SMARCC2: variants seen among roughly 807,000 people sequenced by gnomAD.
SMARCC2 encodes SWI/SNF complex subunit SMARCC2.
SMARCC2 carries 15 observed loss-of-function variants against 151.3 expected under a neutral mutation model. The ratio of observed to expected loss-of-function variants is 0.10; its 90% CI spans 0.07 to 0.15. The LOEUF (loss-of-function observed/expected upper bound fraction) is 0.15, where lower values mean the gene tolerates loss of function less well. SMARCC2 is among the 10% of genes least tolerant of loss of function. SMARCC2 has a pLI of 1.00. For synonymous variants in SMARCC2, 590 were observed against 609.5 expected, an observed-to-expected ratio of 0.97 and a Z score of 0.47; for missense variants, 1,031 against 1,599.7, an observed-to-expected ratio of 0.64 and a Z score of 6.06.
Position 56,178,734 on chromosome 12 carries a change from AG to A in SMARCC2, c.1179+75del. ...AGTGGGTAAAGTCTGGGCAGTGAAA[AG>A]TTTGGGCAGAATGAACTTTATAATC... On this transcript the variant is annotated intron_variant, in intron 13 of 28. Coordinates refer to ENST00000550164, the MANE Select transcript of SMARCC2 (RefSeq NM_001330288.2). 7 of 1,529,776 alleles carry A rather than the reference AG, an allele frequency of 4.6e-6. No individual in the cohort carries two copies. The Middle Eastern group carries it at 6.8e-4, about 148-fold the overall frequency. 94.8% of individuals were successfully genotyped at this position (1,529,776 alleles called of 1,614,324 possible). A position where few individuals can be genotyped will look rare whatever the true frequency, so the allele number is the denominator to read the frequency against.
At chr12:56,184,265 C>A (rs753161686) in intron 5 of SMARCC2, 21 bp from the exon 6 acceptor site, 4 of 1,590,496 alleles carry the variant, frequency 2.5e-6, no homozygotes, top group African/African-American at 1.3e-5. Context: ...AAAGGAGAAG[C>A]GGGTAAATTA....
At chr12:56,182,147 C>CT (rs1369665063) in intron 7 of SMARCC2, 68 bp from the exon 8 acceptor site, 2 of 1,061,746 alleles carry the variant, frequency 1.9e-6, no homozygotes, top group South Asian at 2.9e-5. Context: ...AAGTGCAGAT[C>CT]TTTTACCCTT....
intron 17 of SMARCC2, 97 bp from the exon 18 acceptor site, chr12:56,173,126 T>G: frequency 2.0e-6 from 2 of 993,684 alleles, no homozygotes; most frequent in Non-Finnish European, 3.1e-6. Flanking sequence ...GCCCACAAGC[T>G]CTGGGGGCAC....
chr12:56,181,155 C>T, intron 10 of SMARCC2, 54 bp from the exon 11 acceptor site: 1 of 1,569,134 alleles, frequency 6.4e-7, no homozygotes, highest in East Asian at 2.2e-5. Context: ...CAAGGAGTCC[C>T]TGGAAGTTGA....
intron 11 of SMARCC2, among the ~76,000 whole-genome samples, chr12:56,180,655 C>T (rs764840882): frequency 1.3e-5 from 2 of 152,096 alleles, no homozygotes; most frequent in Non-Finnish European, 2.9e-5. Context: ...CCGCCCGCCT[C>T]GGCCTCCCAA....
chr12:56,173,583 A>G (rs1874365127), intron 17 of SMARCC2, 113 bp downstream of exon 17: 1 of 959,584 alleles, frequency 1.0e-6, no homozygotes, highest in African/African-American at 1.6e-5. Context: ...TCCCATGGAA[A>G]AGGAAGAAGC....
intron 26 of SMARCC2, among the ~76,000 whole-genome samples, chr12:56,167,821 C>T (rs1231859639): frequency 3.3e-5 from 5 of 151,972 alleles, no homozygotes; most frequent in African/African-American, 1.2e-4. Flanking sequence ...CTGCCCTGTT[C>T]CTGCCCTGCT....
chr12:56,187,287 G>A lies in SMARCC2; in HGVS notation c.131C>T (p.Pro44Leu). 6.2e-7 allele frequency: 1 copy of A among 1,613,538 alleles called. No homozygotes were observed. The highest frequency in any genetic ancestry group is 8.5e-7 in the Non-Finnish European group (1 of 1,179,630). The change falls in exon 2 of 29, where the codon CCC becomes CTC. Residue 44 changes from proline to leucine, a missense_variant. Transcript: ENST00000550164. ...CAGGCTAGACAGGGACTTGTTGGTG[G>A]GTGGTTCAGCTTGTATATACTAAGG... ...NYKKYIQAEP[P>L]TNKSLSSLVV...
intron 1 of SMARCC2, among the ~76,000 whole-genome samples, chr12:56,187,899 A>C (rs1877564171): frequency 6.6e-6 from 1 of 152,166 alleles, no homozygotes; most frequent in Non-Finnish European, 1.5e-5. Flanking sequence ...GAGCAAGACA[A>C]CATCTACCCT....
chr12:56,189,173 G>T (rs1230198666), intron 1 of SMARCC2, among the ~76,000 whole-genome samples, 178 bp downstream of exon 1: 3 of 147,686 alleles, frequency 2.0e-5, no homozygotes, highest in East Asian at 4.1e-4. Flanking sequence ...CTGGGGGTGC[G>T]GGGAGAGGGA....
intron 16 of SMARCC2, among the ~76,000 whole-genome samples, chr12:56,174,074 A>C (rs150085823): frequency 6.6e-6 from 1 of 152,142 alleles, no homozygotes; most frequent in Non-Finnish European, 1.5e-5. Context: ...GCCAATCTCT[A>C]TATCTACCTA....
chr12:56,165,287 G>T, intron 27 of SMARCC2, 31 bp downstream of exon 27: 3 of 1,466,472 alleles, frequency 2.0e-6, no homozygotes. Context: ...GATTCCTCTA[G>T]CCAACAAAAG....
At chr12:56,167,877 A>G (rs749674518) in intron 26 of SMARCC2, among the ~76,000 whole-genome samples, 183 bp downstream of exon 26, 1 of 140,942 alleles carries the variant, frequency 7.1e-6, no homozygotes, top group Non-Finnish European at 1.5e-5. Flanking sequence ...ACTGTTGCTT[A>G]TCTTTCACTG....
Position 56,181,464 on chromosome 12 carries a change from G to C in SMARCC2, c.956+18C>G, listed in dbSNP as rs1321355177. ...GGAGAGAATGGTGAACACGGGGGCA[G>C]GCTAGGGGCTGGCACACCCTTTCTT... On this transcript the variant is annotated intron_variant, in intron 10 of 28. Transcript: ENST00000550164. The C allele has an allele frequency of 2.2e-6, 3 of 1,394,554 alleles. No individual in the cohort carries two copies. The highest frequency in any genetic ancestry group is 2.2e-5 in the Admixed American group (1 of 44,664). 86.4% of individuals were successfully genotyped at this position (1,394,554 alleles called of 1,614,324 possible). A position where few individuals can be genotyped will look rare whatever the true frequency, so the allele number is the denominator to read the frequency against.
chr12:56,178,176 A>T (rs561709368), intron 14 of SMARCC2, 83 bp from the exon 15 acceptor site: 1 of 1,138,884 alleles, frequency 8.8e-7, no homozygotes, highest in East Asian at 2.4e-5. Flanking sequence ...CCTAGAAGGC[A>T]AAGAAGGAAA....
At chr12:56,181,409 G>T in intron 10 of SMARCC2, 73 bp downstream of exon 10, 2 of 968,120 alleles carry the variant, frequency 2.1e-6, no homozygotes, top group Non-Finnish European at 3.1e-6. Flanking sequence ...TATAGGAAGG[G>T]ATTTGTCTTT....
At chr12:56,187,126 T>G in intron 2 of SMARCC2, 61 bp downstream of exon 2, 1 of 1,509,102 alleles carries the variant, frequency 6.6e-7, no homozygotes, top group Non-Finnish European at 9.0e-7. Context: ...AAAATACAAC[T>G]CTTCAGTTTG....
rs1205329575 is a variant in SMARCC2 at position 56,178,463 on chromosome 12, C to T, written c.1251G>A (p.Val417=). ...TGATGATGTGGTGGGTCTGTTCAGT[C>T]ACATTGTCCTCATGCAGGTCTGGAT... ...TKNPDLHEDN[V]TEQTHHIIIP... Residue 417 remains valine (V), a synonymous_variant, in exon 14 of 29, where the codon GTG becomes GTA. Coordinates refer to ENST00000550164, the MANE Select transcript of SMARCC2 (RefSeq NM_001330288.2). 1.9e-6 allele frequency: 3 copies of T among 1,614,226 alleles called. No homozygotes were observed. Among genetic ancestry groups the T allele is most frequent in the Non-Finnish European group, 2.5e-6 (3 of 1,180,020 alleles).
At chr12:56,186,283 G>A (rs1329725152) in intron 2 of SMARCC2, 43 bp from the exon 3 acceptor site, 7 of 1,189,760 alleles carry the variant, frequency 5.9e-6, no homozygotes, top group East Asian at 2.3e-5. Flanking sequence ...AGGTTCCACT[G>A]TAAATTCTCT....
Sources: allele counts gnomAD v4.1 joint callset (sites outside exome capture counted in the v4.1 genomes callset), GRCh38; gene constraint gnomAD v4.1.1; transcripts MANE v1.5; gene names NCBI Gene and HGNC (gene_info 2026-07-23, HGNC 2026-07-21).